CNTNAP3B: variants seen among roughly 807,000 people sequenced by gnomAD.
CNTNAP3B encodes the protein contactin associated protein family member 3B.
In CNTNAP3B, 25 loss-of-function variants were observed where a neutral mutation model predicts 108.9. That is an observed-to-expected ratio of 0.23 (90% confidence interval 0.17 to 0.32). The LOEUF (loss-of-function observed/expected upper bound fraction) is 0.32. Ranked by LOEUF, CNTNAP3B falls within the 10% of genes least tolerant of loss-of-function variation. CNTNAP3B has a pLI of 1.00. For synonymous variants in CNTNAP3B, 103 were observed against 473.4 expected, an observed-to-expected ratio of 0.22 and a Z score of 10.16; for missense variants, 252 against 1,210.4, an observed-to-expected ratio of 0.21 and a Z score of 11.75.
At chr9:41,938,951 A>T (rs1289848259) in intron 13 of CNTNAP3B, among the ~76,000 whole-genome samples, 2 of 152,260 alleles carry the variant, frequency 1.3e-5, no homozygotes, top group Admixed American at 1.3e-4. Flanking sequence ...AAGGAATGAC[A>T]TTGATAGGCT....
chr9:41,952,827 C>G (rs1488627368), intron 13 of CNTNAP3B, among the ~76,000 whole-genome samples: 1 of 150,330 alleles, frequency 6.7e-6, no homozygotes, highest in Non-Finnish European at 1.5e-5. Flanking sequence ...AGGAGGTTAC[C>G]GGTTCCCACT....
chr9:41,930,466 C>A (rs1823945220), intron 14 of CNTNAP3B, among the ~76,000 whole-genome samples: 1 of 152,288 alleles, frequency 6.6e-6, no homozygotes, highest in Non-Finnish European at 1.5e-5. Flanking sequence ...TCCCTTGAGC[C>A]TGGGAGGTAG....
chr9:42,056,495 C>T (rs1288249808), intron 3 of CNTNAP3B, among the ~76,000 whole-genome samples: 6 of 137,186 alleles, frequency 4.4e-5, no homozygotes, highest in South Asian at 2.4e-4. Context: ...GGACTACAGG[C>T]GCCCGCCACC....
At chr9:41,945,528 A>C (rs1472624102) in intron 13 of CNTNAP3B, among the ~76,000 whole-genome samples, 1 of 152,310 alleles carries the variant, frequency 6.6e-6, no homozygotes, top group African/African-American at 2.4e-5. Flanking sequence ...AAAAAACCAA[A>C]CACTGCATGT....
chr9:42,076,405 G>A, intron 3 of CNTNAP3B, among the ~76,000 whole-genome samples: 1 of 129,594 alleles, frequency 7.7e-6, no homozygotes. Flanking sequence ...TAGTCTGGGT[G>A]ATAACAGCGA....
chr9:42,019,975 G>GA (rs1424740143), intron 3 of CNTNAP3B, among the ~76,000 whole-genome samples: 2 of 126,776 alleles, frequency 1.6e-5, no homozygotes, highest in Admixed American at 1.7e-4. Flanking sequence ...CATAATCATT[G>GA]AAAAATGAAA....
At chr9:42,002,940 G>A (rs1826030091) in intron 4 of CNTNAP3B, among the ~76,000 whole-genome samples, 1 of 126,486 alleles carries the variant, frequency 7.9e-6, no homozygotes. Context: ...ATGCTGTAGT[G>A]CAGTGGTACC....
intron 23 of CNTNAP3B, among the ~76,000 whole-genome samples, chr9:41,894,380 G>C (rs1277313985): frequency 4.4e-5 from 4 of 90,004 alleles, no homozygotes; most frequent in African/African-American, 2.4e-4. Context: ...CTCTCACCTT[G>C]GCCTCCCAAA....
At position 42,113,604 on chromosome 9, in the gene CNTNAP3B, G is replaced by A. The variant is rs1828242567; in HGVS notation, c.86-8865C>T. Among the ~76,000 whole-genome samples the A allele has an allele frequency of 2.1e-5, 3 of 139,542 alleles. 1 individual carries two copies. Among genetic ancestry groups the A allele is most frequent in the South Asian group, 4.6e-4 (2 of 4,352 alleles). The allele number at this position is 139,542 out of a possible 152,430, so 91.5% of individuals were successfully genotyped here. On this transcript the variant is annotated intron_variant, in intron 1 of 23. Transcript: ENST00000377561. The stretch of plus-strand genomic sequence containing the variant: ...TGTGGCGATGTCATCACTAATAATT[G>A]TTATTACAAATGTATCCACAGCTGT...
chr9:42,029,594 A>T lies in CNTNAP3B; in HGVS notation c.391-16069T>A, dbSNP rs1306875174. Among the ~76,000 whole-genome samples the T allele has an allele frequency of 2.5e-5, 3 of 119,592 alleles. 1 individual carries two copies. Among genetic ancestry groups the T allele is most frequent in the Admixed American group, 8.4e-5 (1 of 11,902 alleles). 78.5% of individuals were successfully genotyped at this position (119,592 alleles called of 152,430 possible). A position where few individuals can be genotyped will look rare whatever the true frequency, so the allele number is the denominator to read the frequency against. On this transcript the variant is annotated intron_variant, in intron 3 of 23. Coordinates refer to ENST00000377561, the MANE Select transcript of CNTNAP3B (RefSeq NM_001201380.3). Reference sequence around the variant, plus strand: ...CGCCCAGGCTGGAGTGCAGTGGTGCAGTCTCGGCTCACCACAACCTCTGCC... The same window carrying T: ...CGCCCAGGCTGGAGTGCAGTGGTGCTGTCTCGGCTCACCACAACCTCTGCC...
At chr9:42,086,250 C>T (rs1827700782) in intron 2 of CNTNAP3B, among the ~76,000 whole-genome samples, 2 of 141,488 alleles carry the variant, frequency 1.4e-5, no homozygotes, top group Non-Finnish European at 3.1e-5. Flanking sequence ...GAAACCGCCC[C>T]CATGATTCAG....
intron 3 of CNTNAP3B, among the ~76,000 whole-genome samples, chr9:42,029,328 GC>G (rs2118472889): frequency 7.8e-6 from 1 of 129,018 alleles, no homozygotes; most frequent in South Asian, 2.5e-4. Flanking sequence ...TAAATGTGTT[GC>G]TTTTTCATTT....
At position 42,063,366 on chromosome 9, in the gene CNTNAP3B, A is replaced by G. The variant is rs1286631789; in HGVS notation, c.390+13503T>C. On this transcript the variant is annotated intron_variant, in intron 3 of 23. Coordinates refer to ENST00000377561, the MANE Select transcript of CNTNAP3B (RefSeq NM_001201380.3). The stretch of plus-strand genomic sequence containing the variant: ...GTTTTTTTCCTTTCAGCACTTGAAT[A>G]TATCATCCTGCTCTTCCCTGGCCTG... 7.4e-5 allele frequency among the ~76,000 whole-genome samples: 10 copies of G among 135,370 alleles called. No homozygotes were observed. In the East Asian group the frequency reaches 9.3e-4, roughly 13 times the overall value. 88.8% of individuals were successfully genotyped at this position (135,370 alleles called of 152,430 possible). A position where few individuals can be genotyped will look rare whatever the true frequency, so the allele number is the denominator to read the frequency against.
rs1000908825 is a variant in CNTNAP3B at position 41,973,796 on chromosome 9, G to A, written c.1478-3551C>T. ...ACCAGAAAAAAAAGAATGGACAAAT[G>A]ACAGTATAGAAGATAGGTCTGCATC... On this transcript the variant is annotated intron_variant, in intron 9 of 23. Coordinates refer to ENST00000377561, the MANE Select transcript of CNTNAP3B (RefSeq NM_001201380.3). Among the ~76,000 whole-genome samples, 30 of 135,512 alleles carry A rather than the reference G, an allele frequency of 2.2e-4. 4 individuals are homozygous for A. Among genetic ancestry groups the A allele is most frequent in the Admixed American group, 2.2e-3 (30 of 13,576 alleles). The allele number at this position is 135,512 out of a possible 152,430, so 88.9% of individuals were successfully genotyped here.
intron 15 of CNTNAP3B, chr9:41,926,819 G>A (rs1415595279): frequency 1.3e-5 from 2 of 152,468 alleles, no homozygotes; most frequent in East Asian, 3.8e-4. Context: ...GACATATCCT[G>A]AAGAGTCTCA....
At chr9:42,035,699 C>G (rs1169974180) in intron 3 of CNTNAP3B, among the ~76,000 whole-genome samples, 5 of 151,068 alleles carry the variant, frequency 3.3e-5, no homozygotes, top group East Asian at 1.9e-4. Context: ...ATTCTATCAC[C>G]CAGGCTGGAA....
At chr9:41,963,273 A>C (rs544903929) in intron 11 of CNTNAP3B, among the ~76,000 whole-genome samples, 129 of 152,312 alleles carry the variant, frequency 8.5e-4, no homozygotes, top group African/African-American at 3.0e-3. Context: ...AGGACTTTGC[A>C]TCTCTGTTTC....
At chr9:41,990,134 T>TA (rs1280637010) in intron 8 of CNTNAP3B, among the ~76,000 whole-genome samples, 1 of 131,362 alleles carries the variant, frequency 7.6e-6, no homozygotes, top group Non-Finnish European at 1.6e-5. Flanking sequence ...TCTGGCTTAA[T>TA]ACTTATTCCA....
At position 42,098,861 on chromosome 9, in the gene CNTNAP3B, T is replaced by C. The variant is rs1216076679; in HGVS notation, c.196+5768A>G. Among the ~76,000 whole-genome samples, 2 of 130,878 alleles carry C rather than the reference T, an allele frequency of 1.5e-5. 1 individual carries two copies. The highest frequency in any genetic ancestry group is 1.5e-4 in the Admixed American group (2 of 13,002). 85.9% of individuals were successfully genotyped at this position (130,878 alleles called of 152,430 possible). ...TCCACTCCTGGAAGGCTGTGTGCTG[T>C]GCTATAAGAGAAGCTGATGCCTCTG... On this transcript the variant is annotated intron_variant, in intron 2 of 23. Coordinates refer to ENST00000377561, the MANE Select transcript of CNTNAP3B (RefSeq NM_001201380.3).
Sources: allele counts gnomAD v4.1 joint callset (sites outside exome capture counted in the v4.1 genomes callset), GRCh38; gene constraint gnomAD v4.1.1; transcripts MANE v1.5; gene names NCBI Gene and HGNC (gene_info 2026-07-23, HGNC 2026-07-21).